The following CCSER1 variants were observed in gnomAD, a reference collection of about 807,000 sequenced individuals.
CCSER1 encodes serine-rich coiled-coil domain-containing protein 1.
CCSER1 carries 41 observed loss-of-function variants against 82.0 expected under a neutral mutation model. That is an observed-to-expected ratio of 0.50 (90% CI 0.39 to 0.65). The LOEUF (loss-of-function observed/expected upper bound fraction) is 0.65, where lower values mean the gene tolerates loss of function less well. Among genes scored for constraint, CCSER1 ranks in the 30% least tolerant of loss-of-function variants. The pLI, the probability that CCSER1 is intolerant of heterozygous loss-of-function variation, is 0.00. For synonymous variants in CCSER1, 414 were observed against 383.9 expected (o/e 1.08, Z -0.92); for missense variants, 1,119 against 1,064.2 (o/e 1.05, Z -0.72).
intron 1 of CCSER1, among the ~76,000 whole-genome samples, chr4:90,183,338 CT>C (rs890503198): frequency 1.3e-5 from 2 of 151,974 alleles, no homozygotes; most frequent in African/African-American, 2.4e-5. Flanking sequence ...TAACTAATTC[CT>C]TACTACCAGT....
intron 5 of CCSER1, among the ~76,000 whole-genome samples, chr4:90,619,964 A>C (rs1027008404): frequency 6.6e-6 from 1 of 152,144 alleles, no homozygotes; most frequent in Non-Finnish European, 1.5e-5. Context: ...GGTACTGAAC[A>C]TACACAGTCA....
At chr4:91,296,279 T>C (rs1344192727) in intron 10 of CCSER1, among the ~76,000 whole-genome samples, 1 of 151,188 alleles carries the variant, frequency 6.6e-6, no homozygotes, top group East Asian at 2.0e-4. Flanking sequence ...AGTTTTTCCA[T>C]AGAACACCAC....
chr4:91,326,501 A>T (rs575697279), intron 10 of CCSER1, among the ~76,000 whole-genome samples: 2 of 152,226 alleles, frequency 1.3e-5, no homozygotes, highest in African/African-American at 4.8e-5. Context: ...TACCTTCAAC[A>T]CTGGGGGATA....
intron 1 of CCSER1, among the ~76,000 whole-genome samples, chr4:90,172,422 C>A (rs761190873): frequency 2.0e-5 from 3 of 151,746 alleles, no homozygotes; most frequent in Admixed American, 6.6e-5. Context: ...TAGAAAGATT[C>A]TTTTAGTAAT....
chr4:90,494,408 A>G (rs1768640652), intron 5 of CCSER1, among the ~76,000 whole-genome samples: 1 of 152,222 alleles, frequency 6.6e-6, no homozygotes, highest in Non-Finnish European at 1.5e-5. Context: ...CTCTGCACCA[A>G]GCAGACCTAA....
At position 90,290,640 on chromosome 4, in the gene CCSER1, G is replaced by T. The variant is rs527459286; in HGVS notation, c.-41-17604G>T. ...ACAACTGTCTCTCTCTCTCTCGCTC[G>T]CTTGTTTTTTGTTGAAATTGTTGCT... On this transcript the variant is annotated intron_variant, in intron 1 of 10. Transcript: ENST00000509176. Among the ~76,000 whole-genome samples, 17 of 151,848 alleles carry T rather than the reference G, an allele frequency of 1.1e-4. No homozygotes were observed. In the South Asian group the frequency reaches 3.1e-3, roughly 28 times the overall value.
At chr4:90,947,588 C>A (rs920414217) in intron 9 of CCSER1, among the ~76,000 whole-genome samples, 2 of 152,108 alleles carry the variant, frequency 1.3e-5, no homozygotes, top group African/African-American at 2.4e-5. Context: ...TTACCACAGT[C>A]CTATTCCAGC....
chr4:91,555,512 C>A (rs566704976), intron 10 of CCSER1, among the ~76,000 whole-genome samples: 1 of 150,928 alleles, frequency 6.6e-6, no homozygotes, highest in African/African-American at 2.4e-5. Context: ...TAATTATGGT[C>A]TTATATACTG....
At chr4:90,882,620 C>T (rs1721506450) in intron 8 of CCSER1, among the ~76,000 whole-genome samples, 2 of 151,944 alleles carry the variant, frequency 1.3e-5, no homozygotes. Flanking sequence ...AGAGCCAATA[C>T]TTTTATAACT....
At chr4:91,550,239 G>A (rs994451212) in intron 10 of CCSER1, among the ~76,000 whole-genome samples, 1 of 152,110 alleles carries the variant, frequency 6.6e-6, no homozygotes, top group African/African-American at 2.4e-5. Context: ...ATGTTTTCTG[G>A]TATTTATTGT....
intron 10 of CCSER1, among the ~76,000 whole-genome samples, chr4:91,092,999 G>A (rs1252015305): frequency 1.3e-5 from 2 of 152,088 alleles, no homozygotes; most frequent in Admixed American, 6.6e-5. Flanking sequence ...CCTTTCCCCC[G>A]AATTTAATAG....
At chr4:91,533,375 AT>A (rs1396159809) in intron 10 of CCSER1, among the ~76,000 whole-genome samples, 1 of 152,174 alleles carries the variant, frequency 6.6e-6, no homozygotes, top group African/African-American at 2.4e-5. Flanking sequence ...TCTCATATAT[AT>A]TTTGGAAGGA....
chr4:90,819,059 C>T (rs1457112622), intron 8 of CCSER1, among the ~76,000 whole-genome samples: 2 of 152,104 alleles, frequency 1.3e-5, no homozygotes, highest in East Asian at 3.9e-4. Context: ...GATCCGGTGC[C>T]AGAGTGTTGG....
In CCSER1 at chr4:91,150,695, G is replaced by A. The variant is rs1488881714; in HGVS notation, c.2217+64701G>A. ...TTATTGAGAGTTTTTAGCATGAAGG[G>A]TTGTTGAATTTTGTAGAAGGCCTTT... On this transcript the variant is annotated intron_variant, in intron 10 of 10. Coordinates refer to ENST00000509176, the MANE Select transcript of CCSER1 (RefSeq NM_001145065.2). Among the ~76,000 whole-genome samples, 5 of 152,248 alleles carry A rather than the reference G, an allele frequency of 3.3e-5. No homozygotes were observed. The East Asian group carries it at 5.8e-4, about 18-fold the overall frequency.
At chr4:90,902,281 A>C (rs1039491392) in intron 8 of CCSER1, among the ~76,000 whole-genome samples, 7 of 151,760 alleles carry the variant, frequency 4.6e-5, no homozygotes, top group Admixed American at 1.3e-4. Flanking sequence ...TGAATTATTC[A>C]TATGTCATTT....
At position 91,062,472 on chromosome 4, in the gene CCSER1, G is replaced by A. The variant is rs529656475; in HGVS notation, c.2173-23478G>A. On this transcript the variant is annotated intron_variant, in intron 9 of 10. Transcript: ENST00000509176. ...TTCAGACAATGGCTTCTCAGACTAT[G>A]TCTGTTAATATTGCAACTTTTGGTC... Among the ~76,000 whole-genome samples, 6 of 152,156 alleles carry A rather than the reference G, an allele frequency of 3.9e-5. No individual in the cohort carries two copies. The South Asian group carries it at 6.2e-4, about 16-fold the overall frequency.
intron 5 of CCSER1, among the ~76,000 whole-genome samples, chr4:90,611,434 T>C (rs1410695462): frequency 6.6e-6 from 1 of 152,064 alleles, no homozygotes; most frequent in African/African-American, 2.4e-5. Flanking sequence ...GATATCCTTA[T>C]AAGATCAGTT....
chr4:90,319,170 G>T (rs1480094812), intron 3 of CCSER1, among the ~76,000 whole-genome samples: 1 of 152,106 alleles, frequency 6.6e-6, no homozygotes, highest in Non-Finnish European at 1.5e-5. Context: ...GAGCAGGTTT[G>T]CTGAAAGAAA....
At chr4:90,763,205 G>C (rs1750664600) in intron 7 of CCSER1, among the ~76,000 whole-genome samples, 2 of 151,884 alleles carry the variant, frequency 1.3e-5, no homozygotes. Context: ...ACAAGCTAGG[G>C]AACCCACTAC....
Sources: allele counts gnomAD v4.1 joint callset (sites outside exome capture counted in the v4.1 genomes callset), GRCh38; gene constraint gnomAD v4.1.1; transcripts MANE v1.5; gene names NCBI Gene and HGNC (gene_info 2026-07-23, HGNC 2026-07-21).